The following BORCS7 variants were observed in gnomAD, a reference collection of about 807,000 sequenced individuals.
The protein encoded by BORCS7 is BLOC-1 related complex subunit 7, also known as BLOC-1-related complex subunit 7.
In BORCS7, 20 loss-of-function variants were observed where a neutral mutation model predicts 17.5. The ratio of observed to expected loss-of-function variants is 1.14; its 90% CI spans 0.80 to 1.66. The LOEUF is 1.66. BORCS7 is among the 40% of genes most tolerant of loss of function. The probability of loss-of-function intolerance (pLI) is 0.00; values close to 1 mark genes in which losing one functional copy is unlikely to be tolerated. For missense variants in BORCS7, 122 were observed against 129.7 expected (o/e 0.94, Z 0.29); for synonymous variants, 57 against 49.8 (o/e 1.14, Z -0.61).
intron 1 of BORCS7, among the ~76,000 whole-genome samples, chr10:102,858,605 G>A (rs188626210): frequency 2.6e-5 from 4 of 151,970 alleles, no homozygotes; most frequent in African/African-American, 7.3e-5. Flanking sequence ...AGCCAAGATC[G>A]CATCACTGCA....
rs752205498 is a variant in BORCS7 at position 102,862,969 on chromosome 10, G to A, written c.*45G>A. 5.0e-5 allele frequency: 73 copies of A among 1,463,718 alleles called. 1 individual carries two copies. The highest frequency in any genetic ancestry group is 7.0e-5 in the Non-Finnish European group (73 of 1,043,428). The allele number at this position is 1,463,718 out of a possible 1,614,324, so 90.7% of individuals were successfully genotyped here. A position where few individuals can be genotyped will look rare whatever the true frequency, so the allele number is the denominator to read the frequency against. ...GTAGGACTCCTTTGCCTAATGCTGA[G>A]GAGTAAATACCTTACACAGCTGTCC... On this transcript the variant is annotated 3_prime_UTR_variant, in exon 5 of 5. Transcript: ENST00000339834.
At chr10:102,861,144 G>A (rs1372631027) in intron 3 of BORCS7, among the ~76,000 whole-genome samples, 1 of 152,182 alleles carries the variant, frequency 6.6e-6, no homozygotes, top group Non-Finnish European at 1.5e-5. Context: ...GCTGGGCATG[G>A]TGGCTCACAC....
intron 1 of BORCS7, among the ~76,000 whole-genome samples, chr10:102,859,911 C>T (rs973820366): frequency 6.6e-6 from 1 of 152,144 alleles, no homozygotes; most frequent in Non-Finnish European, 1.5e-5. Context: ...TCCTTTTCAG[C>T]CCCATTCTAA....
intron 1 of BORCS7, among the ~76,000 whole-genome samples, chr10:102,856,058 C>T (rs1472232959): frequency 2.6e-5 from 4 of 152,058 alleles, no homozygotes; most frequent in African/African-American, 4.8e-5. Context: ...CCACCACACC[C>T]GGTCGAAAGG....
At position 102,862,146 on chromosome 10, in the gene BORCS7, C is replaced by T; in HGVS notation, c.249-14C>T. 1 of 1,603,780 alleles carries T rather than the reference C, an allele frequency of 6.2e-7. No homozygotes were observed. Among genetic ancestry groups the T allele is most frequent in the Non-Finnish European group, 8.5e-7 (1 of 1,170,768 alleles). Reference sequence around the variant, plus strand: ...TCACTTATGTGTATTTTCCTCTTTCCTTTTCTGATTTAGGCAAGAAGCTAT... The same window carrying T: ...TCACTTATGTGTATTTTCCTCTTTCTTTTTCTGATTTAGGCAAGAAGCTAT... On this transcript the variant is annotated splice_polypyrimidine_tract_variant and intron_variant, in intron 3 of 4. Transcript: ENST00000339834.
chr10:102,855,356 C>T (rs998430546), intron 1 of BORCS7, among the ~76,000 whole-genome samples: 1 of 151,960 alleles, frequency 6.6e-6, no homozygotes, highest in African/African-American at 2.4e-5. Context: ...TGAGGTTTCA[C>T]CATGTTGGCC....
At position 102,854,414 on chromosome 10, in the gene BORCS7, C is replaced by G. The variant is rs1267041584; in HGVS notation, c.128C>G (p.Ser43Cys). 5.8e-6 allele frequency: 9 copies of G among 1,540,048 alleles called. No individual in the cohort carries two copies. The highest frequency in any genetic ancestry group is 7.0e-6 in the Non-Finnish European group (8 of 1,136,768). ...CTCACCAAGCAGGTGCTGAAAGGCT[C>G]CCGGAGCTCCGAGGTGAGCTGGAAG... ...IALTKQVLKG[S>C]RSSELLGQAA... is the part of the protein sequence containing the mutation. The change falls in exon 1 of 5, where the codon TCC (serine) becomes TGC (cysteine). Residue 43 changes from serine (S) to cysteine (C), a missense_variant. Transcript: ENST00000339834.
rs1844561576 is a variant in BORCS7, at chr10:102,864,195, G to A, written c.*1271G>A. ...TTGTTTTCACTGCAGGAATAAAGAGGAAGTAACAGTGAATCCAATATAGTT... is the reference window on the plus strand; with the variant it reads ...TTGTTTTCACTGCAGGAATAAAGAGAAAGTAACAGTGAATCCAATATAGTT... On this transcript the variant is annotated 3_prime_UTR_variant, in exon 5 of 5. Coordinates refer to ENST00000339834, the MANE Select transcript of BORCS7 (RefSeq NM_001136200.2). 6.6e-6 allele frequency: 1 copy of A among 152,128 alleles called. No homozygotes were observed. The highest frequency in any genetic ancestry group is 1.5e-5 in the Non-Finnish European group (1 of 68,028). 9.4% of individuals were successfully genotyped at this position (152,128 alleles called of 1,614,324 possible).
At position 102,863,702 on chromosome 10, in the gene BORCS7, T is replaced by C. The variant is rs1401519769; in HGVS notation, c.*778T>C. ...ATGGTCATATAATGGTGATAAGTAA[T>C]ACCTGATTGTTTCCTTTTCTGTTCT... is the stretch of plus-strand genomic sequence containing the variant. On this transcript the variant is annotated 3_prime_UTR_variant, in exon 5 of 5. Coordinates refer to ENST00000339834, the MANE Select transcript of BORCS7 (RefSeq NM_001136200.2). 6.6e-6 allele frequency: 1 copy of C among 152,248 alleles called. No homozygotes were observed. Among genetic ancestry groups the C allele is most frequent in the Non-Finnish European group, 1.5e-5 (1 of 68,034 alleles). 9.4% of individuals were successfully genotyped at this position (152,248 alleles called of 1,614,324 possible).
chr10:102,854,746 T>A (rs1159267707), intron 1 of BORCS7, among the ~76,000 whole-genome samples: 1 of 151,762 alleles, frequency 6.6e-6, no homozygotes, highest in Non-Finnish European at 1.5e-5. Flanking sequence ...AACCCCCGTC[T>A]CTACTAAAAA....
chr10:102,855,159 C>CTTT (rs945217993), intron 1 of BORCS7, among the ~76,000 whole-genome samples: 6 of 130,748 alleles, frequency 4.6e-5, no homozygotes, highest in South Asian at 2.4e-4. Context: ...AGTACTTTTC[C>CTTT]TTTTTTTTTT....
chr10:102,855,472 A>G (rs1844411607), intron 1 of BORCS7, among the ~76,000 whole-genome samples: 1 of 152,200 alleles, frequency 6.6e-6, no homozygotes, highest in Admixed American at 6.5e-5. Context: ...CTTCTTGAGC[A>G]GTCTCCACAT....
chr10:102,862,173 CAGA>C lies in BORCS7; in HGVS notation c.268_269+1del. 6.2e-7 allele frequency: 1 copy of C among 1,609,296 alleles called. No individual in the cohort carries two copies. The highest frequency in any genetic ancestry group is 8.5e-7 in the Non-Finnish European group (1 of 1,175,700). The stretch of plus-strand genomic sequence containing the variant: ...TTTCTGATTTAGGCAAGAAGCTATT[CAGA>C]AGAAGTAAGTAACCCCAAAGGTAGA... On this transcript the variant is annotated inframe_deletion, in exon 4 of 5. Transcript: ENST00000339834.
rs1247458322 is a variant in BORCS7, at chr10:102,864,376, A to T, written c.*1452A>T. On this transcript the variant is annotated 3_prime_UTR_variant, in exon 5 of 5. Transcript: ENST00000339834. ...CTAATTCTATAAACATGTATTAATA[A>T]TTGCAGTATTATTAAATACAGATGG... 6.6e-6 allele frequency: 1 copy of T among 152,204 alleles called. No individual in the cohort carries two copies. The highest frequency in any genetic ancestry group is 1.5e-5 in the Non-Finnish European group (1 of 68,024). 9.4% of individuals were successfully genotyped at this position (152,204 alleles called of 1,614,324 possible).
intron 1 of BORCS7, among the ~76,000 whole-genome samples, chr10:102,856,711 A>G (rs780219123): frequency 6.6e-6 from 1 of 152,248 alleles, no homozygotes; most frequent in Non-Finnish European, 1.5e-5. Flanking sequence ...ATTTTAAAGA[A>G]AGCAAAACTA....
At chr10:102,858,510 C>T (rs779976637) in intron 1 of BORCS7, among the ~76,000 whole-genome samples, 52 of 151,958 alleles carry the variant, frequency 3.4e-4, no homozygotes, top group Non-Finnish European at 6.8e-4. Context: ...ATTAGGTGAG[C>T]GTGGTGGCAT....
intron 1 of BORCS7, chr10:102,854,641 A>G (rs145028268): frequency 6.5e-6 from 3 of 459,056 alleles, no homozygotes; most frequent in African/African-American, 2.0e-5. Context: ...AAGCGATGCC[A>G]TGGGAACCTG....
At chr10:102,857,418 T>G (rs1844445102) in intron 1 of BORCS7, among the ~76,000 whole-genome samples, 1 of 152,196 alleles carries the variant, frequency 6.6e-6, no homozygotes, top group Non-Finnish European at 1.5e-5. Flanking sequence ...TATAGGAGTT[T>G]GAAGTTTACC....
intron 1 of BORCS7, among the ~76,000 whole-genome samples, chr10:102,858,586 G>T (rs1844466338): frequency 6.6e-6 from 1 of 152,036 alleles, no homozygotes; most frequent in African/African-American, 2.4e-5. Flanking sequence ...GGATGCGGAG[G>T]TTGCAGTGAG....
Sources: gnomAD v4.1 joint callset for allele counts (sites outside exome capture counted in the v4.1 genomes callset) on GRCh38, gnomAD v4.1.1 for gene constraint, MANE v1.5 for transcripts, NCBI Gene and HGNC (gene_info 2026-07-23, HGNC 2026-07-21) for gene names.